The following PKNOX1 variants were observed in gnomAD, a reference collection of about 807,000 sequenced individuals.
PKNOX1 encodes PBX/knotted 1 homeobox 1.
In PKNOX1, 15 loss-of-function variants were observed where a neutral mutation model predicts 51.9. That is an observed-to-expected ratio of 0.29 (90% CI 0.19 to 0.45). PKNOX1 has a LOEUF of 0.45. PKNOX1 is among the 20% of genes least tolerant of loss of function. The pLI, the probability that PKNOX1 is intolerant of heterozygous loss-of-function variation, is 1.00. For missense variants in PKNOX1, 462 were observed against 547.5 expected, an observed-to-expected ratio of 0.84 and a Z score of 1.56; for synonymous variants, 219 against 211.1, an observed-to-expected ratio of 1.04 and a Z score of -0.32.
chr21:42,981,061 G>A (rs2059022934), intron 1 of PKNOX1, among the ~76,000 whole-genome samples: 1 of 152,248 alleles, frequency 6.6e-6, no homozygotes, highest in Admixed American at 6.5e-5. Context: ...GTCCTTGGAG[G>A]TGAGGGTGAA....
intron 10 of PKNOX1, 138 bp downstream of exon 10, chr21:43,029,012 T>A: frequency 1.2e-6 from 1 of 814,484 alleles, no homozygotes; most frequent in Non-Finnish European, 2.0e-6. Context: ...TCTCTGCAAC[T>A]AAAACATGAG....
At position 43,021,241 on chromosome 21, in the gene PKNOX1, G is replaced by T; in HGVS notation, c.721-62G>T. The T allele has an allele frequency of 3.6e-6, 5 of 1,394,020 alleles. No homozygotes were observed. The highest frequency in any genetic ancestry group is 1.4e-5 in the African/African-American group (1 of 69,770). The allele number at this position is 1,394,020 out of a possible 1,614,324, so 86.4% of individuals were successfully genotyped here. A position where few individuals can be genotyped will look rare whatever the true frequency, so the allele number is the denominator to read the frequency against. ...TTGGCTGTTTTCTCCACCTGCAGTT[G>T]TAAGTACTTGGATATGTGAGAATTT... is the stretch of plus-strand genomic sequence containing the variant. On this transcript the variant is annotated intron_variant, in intron 7 of 10. Coordinates refer to ENST00000291547, the MANE Select transcript of PKNOX1 (RefSeq NM_004571.5). This position sits in a 1 kb window ranked among gnomAD's most constrained non-coding sequence, Gnocchi z 4.6.
At chr21:42,987,250 C>T (rs557064210) in intron 1 of PKNOX1, among the ~76,000 whole-genome samples, 23 of 150,894 alleles carry the variant, frequency 1.5e-4, no homozygotes, top group African/African-American at 5.4e-4. Flanking sequence ...GGCGTGGTGG[C>T]GCATGCCTGT....
chr21:43,008,809 G>A (rs1601290760), intron 3 of PKNOX1, among the ~76,000 whole-genome samples: 1 of 151,950 alleles, frequency 6.6e-6, no homozygotes, highest in Non-Finnish European at 1.5e-5. Flanking sequence ...TTTAAGTTCA[G>A]CATAGAATTA....
chr21:43,025,019 T>G, intron 9 of PKNOX1, 72 bp downstream of exon 9: 2 of 901,458 alleles, frequency 2.2e-6, no homozygotes, highest in Non-Finnish European at 3.6e-6. Context: ...CACCAATACA[T>G]GGTGAAATCT....
chr21:42,983,978 A>C (rs957153101), intron 1 of PKNOX1, among the ~76,000 whole-genome samples: 5 of 152,098 alleles, frequency 3.3e-5, no homozygotes, highest in Admixed American at 2.6e-4. Context: ...GCATCTTTTC[A>C]CATGTTCATC....
intron 1 of PKNOX1, 21 bp downstream of exon 1, chr21:42,974,685 TCCGCCGCCG>T (rs959171097): frequency 1.8e-5 from 3 of 164,150 alleles, no homozygotes; most frequent in East Asian, 1.8e-4. Flanking sequence ...ACTCAACCGC[TCCGCCGCCG>T]CCGCCGCCGC....
chr21:43,027,900 G>A (rs1355020405), intron 9 of PKNOX1, among the ~76,000 whole-genome samples: 1 of 151,966 alleles, frequency 6.6e-6, no homozygotes, highest in African/African-American at 2.4e-5. Flanking sequence ...TGTGCGACAG[G>A]GCGAGACTCC....
At chr21:43,000,518 A>G (rs1358803191) in intron 1 of PKNOX1, among the ~76,000 whole-genome samples, 1 of 152,174 alleles carries the variant, frequency 6.6e-6, no homozygotes, top group Non-Finnish European at 1.5e-5. Context: ...GGAGAACAAC[A>G]TGGGAAAGAC....
Position 43,028,713 on chromosome 21 carries a change from C to T in PKNOX1, c.938C>T (p.Ala313Val). 1 of 1,613,936 alleles carries T rather than the reference C, an allele frequency of 6.2e-7. No individual in the cohort carries two copies. The highest frequency in any genetic ancestry group is 8.5e-7 in the Non-Finnish European group (1 of 1,179,954). ...LLQVNNWFIN[A>V]RRRILQPMLD... ...TTTGTTGACTCCAGGTTCATCAATG[C>T]CAGAAGACGAATTCTTCAGCCAATG... is the stretch of plus-strand genomic sequence containing the variant. Residue 313 changes from alanine (A) to valine (V), a missense_variant, in exon 10 of 11, where the codon GCC (alanine) becomes GTC (valine). This residue lies in a region of PKNOX1 where 75 missense variants were observed against 129.8 expected (regional missense o/e 0.58). Transcript: ENST00000291547.
chr21:43,017,966 T>G, intron 6 of PKNOX1, 167 bp from the exon 7 acceptor site: 1 of 554,356 alleles, frequency 1.8e-6, no homozygotes, highest in Non-Finnish European at 3.1e-6. Flanking sequence ...TTCCAGCACT[T>G]TGGGAGGCCA....
chr21:42,983,860 A>T (rs995492900), intron 1 of PKNOX1, among the ~76,000 whole-genome samples: 2 of 151,442 alleles, frequency 1.3e-5, no homozygotes, highest in African/African-American at 4.9e-5. Flanking sequence ...CCCAACACTT[A>T]TTTTCTTATG....
In PKNOX1 at chr21:43,030,232, G is replaced by A. The variant is rs1255826933; in HGVS notation, c.*131G>A. 1.3e-5 allele frequency: 9 copies of A among 694,612 alleles called. No individual in the cohort carries two copies. Among genetic ancestry groups the A allele is most frequent in the South Asian group, 6.7e-5 (3 of 44,590 alleles). 43.0% of individuals were successfully genotyped at this position (694,612 alleles called of 1,614,324 possible). A position where few individuals can be genotyped will look rare whatever the true frequency, so the allele number is the denominator to read the frequency against. On this transcript the variant is annotated 3_prime_UTR_variant, in exon 11 of 11. Coordinates refer to ENST00000291547, the MANE Select transcript of PKNOX1 (RefSeq NM_004571.5). ...GTATTTCATAGTAAGCTTAAAGCGCGTCTTTGCCGGTGCAGCGACTTCTTT... is the reference window on the plus strand; with the variant it reads ...GTATTTCATAGTAAGCTTAAAGCGCATCTTTGCCGGTGCAGCGACTTCTTT...
chr21:43,016,698 G>A lies in PKNOX1; in HGVS notation c.523-210G>A, dbSNP rs368366855. Among the ~76,000 whole-genome samples, 8 of 152,316 alleles carry A rather than the reference G, an allele frequency of 5.3e-5. No individual in the cohort carries two copies. In the South Asian group the frequency reaches 6.2e-4, roughly 12 times the overall value. Reference sequence around the variant, plus strand: ...GCCACAGTGCAGGCTGACGTTGCAGGCTGGCTTGTTGTGTTTAATACACAG... The same window carrying A: ...GCCACAGTGCAGGCTGACGTTGCAGACTGGCTTGTTGTGTTTAATACACAG... On this transcript the variant is annotated intron_variant, in intron 5 of 10. Transcript: ENST00000291547.
chr21:43,028,796 C>T lies in PKNOX1; in HGVS notation c.1021C>T (p.Pro341Ser). ...KTKKKTAQNRPVQRFWPDSIA... is the reference protein window; with the variant it reads ...KTKKKTAQNRSVQRFWPDSIA... ...AAAGAAAAAAACTGCTCAGAACCGG[C>T]CAGTTCAGAGGTTTTGGCCTGATTC... is the stretch of plus-strand genomic sequence containing the variant. Residue 341 changes from proline (P) to serine (S), a missense_variant, in exon 10 of 11, where the codon CCA (proline) becomes TCA (serine). By Grantham distance (74) the Pro-to-Ser change is moderately conservative. This residue lies in a region of PKNOX1 where 75 missense variants were observed against 129.8 expected (regional missense o/e 0.58). Coordinates refer to ENST00000291547, the MANE Select transcript of PKNOX1 (RefSeq NM_004571.5). 2 of 1,614,108 alleles carry T rather than the reference C, an allele frequency of 1.2e-6. No homozygotes were observed. Among genetic ancestry groups the T allele is most frequent in the Non-Finnish European group, 1.7e-6 (2 of 1,180,010 alleles).
Position 43,017,000 on chromosome 21 carries a change from G to A in PKNOX1, c.615G>A (p.Thr205=), listed in dbSNP as rs200880395. The A allele has an allele frequency of 8.1e-6, 13 of 1,610,192 alleles. No individual in the cohort carries two copies. The African/African-American group carries it at 9.3e-5, about 12-fold the overall frequency. ...AGCAGGGAAACGTAGCCATGGCGAC[G>A]GTGGCAGGTACGATGACAGAAAAAT... ...ALQQGNVAMA[T]VAGGTVYQPV... is the part of the protein sequence containing the mutation. The change falls in exon 6 of 11, where the codon ACG becomes ACA. Residue 205 remains threonine (T), a synonymous_variant. Transcript: ENST00000291547.
chr21:42,975,112 C>T lies in PKNOX1; in HGVS notation c.-57+448C>T, dbSNP rs1386950193. Among the ~76,000 whole-genome samples the T allele has an allele frequency of 3.5e-5, 5 of 142,590 alleles. No homozygotes were observed. In the East Asian group the frequency reaches 6.2e-4, roughly 18 times the overall value. The allele number at this position is 142,590 out of a possible 152,430, so 93.5% of individuals were successfully genotyped here. Reference sequence around the variant, plus strand: ...GGGCGTGAGGGTCGGGGGCGCGCGGCGGGGCGGGGCCGGGGCGGGCGGCGC... The same window carrying T: ...GGGCGTGAGGGTCGGGGGCGCGCGGTGGGGCGGGGCCGGGGCGGGCGGCGC... On this transcript the variant is annotated intron_variant, in intron 1 of 10. Coordinates refer to ENST00000291547, the MANE Select transcript of PKNOX1 (RefSeq NM_004571.5).
At chr21:43,017,361 A>G (rs1423338176) in intron 6 of PKNOX1, 1 of 175,714 alleles carries the variant, frequency 5.7e-6, no homozygotes, top group Non-Finnish European at 1.2e-5. Flanking sequence ...TTGATGACAA[A>G]TAAAAATGCA....
rs552517306 is a variant in PKNOX1, at chr21:43,001,729, G to A, written c.-56-2597G>A. On this transcript the variant is annotated intron_variant, in intron 1 of 10. Transcript: ENST00000291547. ...TAATCCCAGCACTTTGGGAGGCTGA[G>A]GCGGGCGGATCACAAGGTCAGGAGA... is the stretch of plus-strand genomic sequence containing the variant. Among the ~76,000 whole-genome samples the A allele has an allele frequency of 4.7e-3, 722 of 152,240 alleles. 2 individuals are homozygous for A. The highest frequency in any genetic ancestry group is 7.1e-3 in the Non-Finnish European group (485 of 68,020).
Sources: allele counts gnomAD v4.1 joint callset (sites outside exome capture counted in the v4.1 genomes callset), GRCh38; gene constraint gnomAD v4.1.1; regional missense constraint gnomAD v4.1.1; non-coding constraint Gnocchi (gnomAD v3.1); transcripts MANE v1.5; gene names NCBI Gene and HGNC (gene_info 2026-07-23, HGNC 2026-07-21).